SNCAIP: variants seen among roughly 807,000 people sequenced by gnomAD.
SNCAIP encodes synuclein alpha interacting protein, also known as synphilin-1.
In SNCAIP, 43 loss-of-function variants were observed where a neutral mutation model predicts 86.7. The ratio of observed to expected loss-of-function variants is 0.50; its 90% CI spans 0.39 to 0.64. The LOEUF (loss-of-function observed/expected upper bound fraction) is 0.64. Among genes scored for constraint, SNCAIP ranks in the 30% least tolerant of loss-of-function variants. The pLI, the probability that SNCAIP is intolerant of heterozygous loss-of-function variation, is 0.00. For synonymous variants in SNCAIP, 417 were observed against 427.2 expected (o/e 0.98, Z 0.29); for missense variants, 981 against 1,103.1 (o/e 0.89, Z 1.57).
intron 1 of SNCAIP, among the ~76,000 whole-genome samples, chr5:122,330,247 A>C (rs920485131): frequency 2.0e-5 from 3 of 146,892 alleles, no homozygotes; most frequent in Non-Finnish European, 4.5e-5. Flanking sequence ...TCAGCCTCCC[A>C]AGTAGCTGGG....
At chr5:122,325,851 C>T (rs1159700293) in intron 1 of SNCAIP, among the ~76,000 whole-genome samples, 2 of 151,990 alleles carry the variant, frequency 1.3e-5, no homozygotes, top group Non-Finnish European at 2.9e-5. Context: ...AAAAATGAAA[C>T]AGAGGTCAAG....
intron 2 of SNCAIP, among the ~76,000 whole-genome samples, chr5:122,401,316 A>T (rs1028843699): frequency 6.6e-6 from 1 of 152,178 alleles, no homozygotes; most frequent in Non-Finnish European, 1.5e-5. Flanking sequence ...TGGTTTTGTG[A>T]GTTATGTGTT....
chr5:122,371,007 C>T (rs1162601114), intron 1 of SNCAIP, among the ~76,000 whole-genome samples: 4 of 152,046 alleles, frequency 2.6e-5, no homozygotes, highest in Non-Finnish European at 4.4e-5. Context: ...TCTTAAACTG[C>T]TCTACAGAGT....
At chr5:122,336,409 ATCTGCCCATAT>A (rs1421017108) in intron 1 of SNCAIP, among the ~76,000 whole-genome samples, 1 of 152,192 alleles carries the variant, frequency 6.6e-6, no homozygotes, top group African/African-American at 2.4e-5. Context: ...TCTAACCTAC[ATCTGCCCATAT>A]TAAAGCTCTT....
Position 122,423,663 on chromosome 5 carries a change from C to A in SNCAIP, c.926C>A (p.Pro309Gln), listed in dbSNP as rs1346244418. Residue 309 changes from proline to glutamine, a missense_variant, in exon 4 of 11, where the codon CCA becomes CAA. By Grantham distance (76) the Pro-to-Gln change is moderately conservative. Transcript: ENST00000261368. ...CTAAACCGGACCAGCTCCCAAGGCCCAGAAGAAAGGAGTGAGTATCTGAAA... is the reference window on the plus strand; with the variant it reads ...CTAAACCGGACCAGCTCCCAAGGCCAAGAAGAAAGGAGTGAGTATCTGAAA... Reference protein sequence around the residue: ...SGLNRTSSQGPEERSEYLKKV... With the variant: ...SGLNRTSSQGQEERSEYLKKV... 1 of 1,611,238 alleles carries A rather than the reference C, an allele frequency of 6.2e-7. No homozygotes were observed. Among genetic ancestry groups the A allele is most frequent in the South Asian group, 1.1e-5 (1 of 91,014 alleles).
At chr5:122,358,203 G>GTGTGTGTGTA (rs1221236719) in intron 1 of SNCAIP, among the ~76,000 whole-genome samples, 1 of 130,336 alleles carries the variant, frequency 7.7e-6, no homozygotes, top group Non-Finnish European at 1.6e-5. Flanking sequence ...GTGTGTGTGT[G>GTGTGTGTGTA]TATATATATA....
intron 1 of SNCAIP, among the ~76,000 whole-genome samples, chr5:122,375,793 G>C (rs1765189107): frequency 6.6e-6 from 1 of 152,050 alleles, no homozygotes; most frequent in African/African-American, 2.4e-5. Context: ...TTGCTGGGTG[G>C]TCTTCATGGG....
chr5:122,444,765 T>A, intron 8 of SNCAIP, 33 bp downstream of exon 8: 1 of 1,562,374 alleles, frequency 6.4e-7, no homozygotes, highest in Non-Finnish European at 8.8e-7. Flanking sequence ...GAGAACCAAG[T>A]CTAACTCATT....
Position 122,423,532 on chromosome 5 carries a change from T to A in SNCAIP, c.795T>A (p.Asp265Glu). ...SKDFLNKTFSDPHGRKVEKTT... is the reference protein window; with the variant it reads ...SKDFLNKTFSEPHGRKVEKTT... ...ACTTCCTAAACAAGACATTTAGTGA[T>A]CCTCATGGTCGAAAAGTTGAGAAGA... Residue 265 changes from aspartate to glutamate, a missense_variant, in exon 4 of 11, where the codon GAT becomes GAA. Transcript: ENST00000261368. 2 of 1,614,108 alleles carry A rather than the reference T, an allele frequency of 1.2e-6. No individual in the cohort carries two copies. Among genetic ancestry groups the A allele is most frequent in the South Asian group, 1.1e-5 (1 of 91,074 alleles).
At chr5:122,414,449 A>G (rs551498197) in intron 3 of SNCAIP, among the ~76,000 whole-genome samples, 1 of 151,906 alleles carries the variant, frequency 6.6e-6, no homozygotes, top group Non-Finnish European at 1.5e-5. Context: ...CAGGCTGGTC[A>G]TGAACTCCTG....
chr5:122,451,521 T>C lies in SNCAIP; in HGVS notation c.2674T>C (p.Leu892=). The part of the protein sequence containing the change: ...QAANQLKTST[L]PLTSLGRKTD... ...AGCCAACCAGCTGAAAACCTCTACA[T>C]TGCCCTTGACCTCACTTGGGAGGAA... The change falls in exon 10 of 11, where the codon TTG becomes CTG. Residue 892 remains leucine, a synonymous_variant. Coordinates refer to ENST00000261368, the MANE Select transcript of SNCAIP (RefSeq NM_005460.4). 2 of 1,613,802 alleles carry C rather than the reference T, an allele frequency of 1.2e-6. No individual in the cohort carries two copies. Among genetic ancestry groups the C allele is most frequent in the Non-Finnish European group, 1.7e-6 (2 of 1,180,008 alleles).
intron 6 of SNCAIP, among the ~76,000 whole-genome samples, chr5:122,435,053 C>G (rs369493054): frequency 6.6e-6 from 1 of 152,150 alleles, no homozygotes; most frequent in African/African-American, 2.4e-5. Flanking sequence ...TTTAAAGACT[C>G]TAGTACCACA....
At chr5:122,380,188 T>G (rs1396033810) in intron 1 of SNCAIP, among the ~76,000 whole-genome samples, 4 of 152,216 alleles carry the variant, frequency 2.6e-5, no homozygotes, top group African/African-American at 9.7e-5. Flanking sequence ...TTTTGGTTGG[T>G]AAACTATTGA....
At chr5:122,410,820 C>G (rs1158008434) in intron 3 of SNCAIP, among the ~76,000 whole-genome samples, 1 of 152,074 alleles carries the variant, frequency 6.6e-6, no homozygotes, top group Non-Finnish European at 1.5e-5. Flanking sequence ...GATTCCGTCT[C>G]AAAAAACAAA....
chr5:122,443,467 A>G, intron 7 of SNCAIP: 1 of 337,484 alleles, frequency 3.0e-6, no homozygotes, highest in South Asian at 2.4e-5. Context: ...TACCTTGGCC[A>G]GATTCCGTAA....
intron 1 of SNCAIP, among the ~76,000 whole-genome samples, chr5:122,375,740 G>GA (rs202026519): frequency 0.023 from 3,491 of 151,390 alleles, 115 homozygotes; most frequent in African/African-American, 0.08. Context: ...ACAACAAATT[G>GA]AAAAAAAATA....
chr5:122,325,857 T>G (rs1753909193), intron 1 of SNCAIP, among the ~76,000 whole-genome samples: 1 of 152,056 alleles, frequency 6.6e-6, no homozygotes, highest in Non-Finnish European at 1.5e-5. Flanking sequence ...GAAACAGAGG[T>G]CAAGGGCTAA....
At chr5:122,369,168 A>G (rs1253237147) in intron 1 of SNCAIP, among the ~76,000 whole-genome samples, 3 of 152,170 alleles carry the variant, frequency 2.0e-5, no homozygotes, top group Non-Finnish European at 4.4e-5. Context: ...CTTAGAAGAC[A>G]TTTATTTACA....
At chr5:122,396,235 T>C (rs976576898) in intron 2 of SNCAIP, among the ~76,000 whole-genome samples, 5 of 152,164 alleles carry the variant, frequency 3.3e-5, no homozygotes, top group African/African-American at 1.2e-4. Flanking sequence ...TCTTAATACC[T>C]GCCAGGAAAT....
Sources: allele counts gnomAD v4.1 joint callset (sites outside exome capture counted in the v4.1 genomes callset), GRCh38; gene constraint gnomAD v4.1.1; transcripts MANE v1.5; gene names NCBI Gene and HGNC (gene_info 2026-07-23, HGNC 2026-07-21).